Variants in WDR86 observed in about 807,000 individuals in gnomAD.
The protein encoded by WDR86 is WD repeat-containing protein 86.
In WDR86, 30 loss-of-function variants were observed where a neutral mutation model predicts 36.5. The ratio of observed to expected loss-of-function variants is 0.82; its 90% CI spans 0.61 to 1.11. The LOEUF (loss-of-function observed/expected upper bound fraction) is 1.11. Among genes scored for constraint, WDR86 ranks in the 50% most tolerant of loss-of-function variants. The probability of loss-of-function intolerance (pLI) is 0.00; values close to 1 mark genes in which losing one functional copy is unlikely to be tolerated. For missense variants in WDR86, 545 were observed against 561.2 expected (o/e 0.97, Z 0.29); for synonymous variants, 255 against 252.9 (o/e 1.01, Z -0.08).
At position 151,376,101 on chromosome 7, in the gene WDR86, C is replaced by A. The variant is rs548528611; in HGVS notation, n.1189G>T. On this transcript the variant is annotated non_coding_transcript_exon_variant, in exon 2 of 2. Transcript: ENST00000463000. ...CTGCCCACCTCAGAGGCCACCCACGCAGTAACAGAGGGCAGGGGAGGCCTC... is the reference window on the plus strand; with the variant it reads ...CTGCCCACCTCAGAGGCCACCCACGAAGTAACAGAGGGCAGGGGAGGCCTC... The A allele has an allele frequency of 2.6e-5, 16 of 616,980 alleles. No individual in the cohort carries two copies. The African/African-American group carries it at 2.9e-4, about 11-fold the overall frequency. The allele number at this position is 616,980 out of a possible 1,614,324, so 38.2% of individuals were successfully genotyped here.
chr7:151,407,443 C>T (rs764945691), intron 1 of WDR86, among the ~76,000 whole-genome samples: 3 of 152,218 alleles, frequency 2.0e-5, no homozygotes, highest in Non-Finnish European at 4.4e-5. Flanking sequence ...TGGGGAGAAA[C>T]CCCACCTAAT....
At chr7:151,403,483 A>T (rs993228186) in intron 1 of WDR86, among the ~76,000 whole-genome samples, 1 of 152,192 alleles carries the variant, frequency 6.6e-6, no homozygotes, top group Non-Finnish European at 1.5e-5. Flanking sequence ...GCCAATTCAC[A>T]TCCACCCCTT....
rs550006599 is a variant in WDR86 at position 151,388,786 on chromosome 7, G to A, written c.727-3563C>T. On this transcript the variant is annotated intron_variant, in intron 3 of 5. Transcript: ENST00000334493. This position sits in a 1 kb window ranked among gnomAD's most constrained non-coding sequence, Gnocchi z 4.2. ...CACCTGGTCCCCAGGCTGACGGTCG[G>A]AGGCGGGGTATATGAAGCTATGGTC... is the stretch of plus-strand genomic sequence containing the variant. 6.6e-6 allele frequency among the ~76,000 whole-genome samples: 1 copy of A among 152,324 alleles called. No homozygotes were observed. Among genetic ancestry groups the A allele is most frequent in the East Asian group, 1.9e-4 (1 of 5,186 alleles).
At chr7:151,384,675 C>G (rs1474825451) in intron 4 of WDR86, among the ~76,000 whole-genome samples, 1 of 152,238 alleles carries the variant, frequency 6.6e-6, no homozygotes, top group South Asian at 2.1e-4. Flanking sequence ...AAACCACCAC[C>G]TCATTGGAAC....
chr7:151,391,244 A>T (rs189293272), intron 3 of WDR86, among the ~76,000 whole-genome samples: 2 of 152,240 alleles, frequency 1.3e-5, no homozygotes, highest in African/African-American at 4.8e-5. Context: ...AGGGGACGCC[A>T]TACCCAGAAG....
chr7:151,385,594 G>A (rs1798915361), intron 3 of WDR86, among the ~76,000 whole-genome samples: 1 of 152,200 alleles, frequency 6.6e-6, no homozygotes, highest in Non-Finnish European at 1.5e-5. Flanking sequence ...CTGAGGAGAG[G>A]GCTTCCAGAG....
In WDR86 at chr7:151,395,793, A is replaced by C; in HGVS notation, c.709T>G (p.Ser237Ala). The change falls in exon 3 of 6, where the codon TCC becomes GCC. Residue 237 changes from serine to alanine, a missense_variant. Physicochemically the swap from Ser to Ala is moderately conservative, Grantham distance 99. Transcript: ENST00000334493. Reference protein sequence around the residue: ...QLRVFREHRGSVICLELVNRL... With the variant: ...QLRVFREHRGAVICLELVNRL... The stretch of plus-strand genomic sequence containing the variant: ...AGTCTCACCTCCAGACAGATGACGG[A>C]GCCCCGGTGCTCCCGGAACACCCGC... 1 of 1,561,848 alleles carries C rather than the reference A, an allele frequency of 6.4e-7. No homozygotes were observed. The highest frequency in any genetic ancestry group is 8.7e-7 in the Non-Finnish European group (1 of 1,155,088).
chr7:151,379,527 C>T (rs1798456820), downstream of WDR86, among the ~76,000 whole-genome samples: 1 of 152,148 alleles, frequency 6.6e-6, no homozygotes, highest in African/African-American at 2.4e-5. Flanking sequence ...GGGAACCAGG[C>T]CTGGGTTCAG....
chr7:151,403,352 A>C (rs942872843), intron 1 of WDR86, among the ~76,000 whole-genome samples: 1 of 152,252 alleles, frequency 6.6e-6, no homozygotes, highest in African/African-American at 2.4e-5. Flanking sequence ...GGACAAATTC[A>C]AACATCCACA....
chr7:151,370,632 C>T, the WDR86 span, among the ~76,000 whole-genome samples: 26 of 151,456 alleles, frequency 1.7e-4, no homozygotes, highest in Admixed American at 5.9e-4. Context: ...CATGCTGGTG[C>T]GCTGCACCCA....
At chr7:151,376,119 G>A (rs1798221669) in exon 2 of WDR86, 2 of 578,626 alleles carry the variant, frequency 3.5e-6, no homozygotes, top group Non-Finnish European at 6.2e-6. Context: ...GAGGGCAGGG[G>A]AGGCCTCCTT....
At chr7:151,402,796 G>C (rs546408212) in intron 1 of WDR86, among the ~76,000 whole-genome samples, 19 of 152,326 alleles carry the variant, frequency 1.2e-4, no homozygotes, top group Middle Eastern at 3.4e-3. Context: ...CAGTTAGATA[G>C]CTTGACTATC....
chr7:151,375,758 G>A (rs568512906), downstream of WDR86: 19 of 846,498 alleles, frequency 2.2e-5, no homozygotes, highest in South Asian at 2.0e-4. Context: ...AGGACGGCGG[G>A]GTCTGCCTAG....
chr7:151,407,444 C>G (rs1473496267), intron 1 of WDR86, among the ~76,000 whole-genome samples: 2 of 152,212 alleles, frequency 1.3e-5, no homozygotes, highest in Non-Finnish European at 2.9e-5. Context: ...GGGGAGAAAC[C>G]CCACCTAATT....
At chr7:151,400,305 G>C in intron 1 of WDR86, 64 bp from the exon 2 acceptor site, 18 of 1,457,240 alleles carry the variant, frequency 1.2e-5, no homozygotes, top group Non-Finnish European at 1.6e-5. Context: ...TTTTCTTCTG[G>C]GAACAATGTT....
chr7:151,380,339 G>A (rs1368131802), downstream of WDR86, among the ~76,000 whole-genome samples: 2 of 152,212 alleles, frequency 1.3e-5, no homozygotes, highest in Admixed American at 6.5e-5. Context: ...TGGCGGCCCC[G>A]GCCGTCTCTG....
Position 151,381,544 on chromosome 7 carries a change from T to C in WDR86, c.*38A>G, listed in dbSNP as rs1470136480. On this transcript the variant is annotated 3_prime_UTR_variant, in exon 6 of 6. Transcript: ENST00000334493. The surrounding 1 kb of genome is among the most constrained non-coding windows in gnomAD (Gnocchi z 4.8). ...CAGGGCGGGGCGCTCTGGGAGCCGCTGGGTGTCTGGGCTGGCGTCTGCAGG... is the reference window on the plus strand; with the variant it reads ...CAGGGCGGGGCGCTCTGGGAGCCGCCGGGTGTCTGGGCTGGCGTCTGCAGG... 89 of 1,392,832 alleles carry C rather than the reference T, an allele frequency of 6.4e-5. No homozygotes were observed. Among genetic ancestry groups the C allele is most frequent in the Non-Finnish European group, 7.6e-5 (82 of 1,085,480 alleles). The allele number at this position is 1,392,832 out of a possible 1,614,324, so 86.3% of individuals were successfully genotyped here. A position where few individuals can be genotyped will look rare whatever the true frequency, so the allele number is the denominator to read the frequency against.
At chr7:151,377,340 T>C, downstream of WDR86, 1 of 729,140 alleles carries the variant, frequency 1.4e-6, no homozygotes, top group Non-Finnish European at 2.1e-6. Flanking sequence ...TCTTTGGGTG[T>C]AGGAGGGGGT....
intron 2 of WDR86, 128 bp from the exon 3 acceptor site, chr7:151,396,324 A>G (rs1349133029): frequency 1.8e-6 from 2 of 1,101,008 alleles, no homozygotes; most frequent in African/African-American, 3.1e-5. Flanking sequence ...AGCTTGCCAC[A>G]CTCGTCTTCC....
Sources: gnomAD v4.1 joint callset for allele counts (sites outside exome capture counted in the v4.1 genomes callset) on GRCh38, gnomAD v4.1.1 for gene constraint, Gnocchi (gnomAD v3.1) non-coding constraint, MANE v1.5 for transcripts, NCBI Gene and HGNC (gene_info 2026-07-23, HGNC 2026-07-21) for gene names.